The following ASTN2 variants were observed in gnomAD, a reference collection of about 807,000 sequenced individuals.
ASTN2 encodes astrotactin 2.
Under a neutral mutation model 139.8 loss-of-function variants are expected in ASTN2, and 54 were observed. That is an observed-to-expected ratio of 0.39 (90% CI 0.31 to 0.48). The LOEUF (loss-of-function observed/expected upper bound fraction) is 0.48, where lower values mean the gene tolerates loss of function less well. Among genes scored for constraint, ASTN2 ranks in the 20% least tolerant of loss-of-function variants. The pLI is 0.95. For missense variants in ASTN2, 1,565 were observed against 1,725.1 expected (o/e 0.91, Z 1.64); for synonymous variants, 756 against 719.5 (o/e 1.05, Z -0.81).
intron 19 of ASTN2, among the ~76,000 whole-genome samples, chr9:116,570,427 C>T (rs901570978): frequency 1.3e-5 from 2 of 151,792 alleles, no homozygotes; most frequent in Admixed American, 6.6e-5. Flanking sequence ...CTCACTCGGT[C>T]GCCCCGGCTC....
At chr9:116,888,908 C>G (rs1338316859) in intron 10 of ASTN2, among the ~76,000 whole-genome samples, 4 of 152,132 alleles carry the variant, frequency 2.6e-5, no homozygotes, top group Non-Finnish European at 5.9e-5. Flanking sequence ...TCCATGTGTT[C>G]TCATTGTTCA....
At chr9:116,686,430 G>A (rs1860212170) in intron 16 of ASTN2, among the ~76,000 whole-genome samples, 1 of 152,132 alleles carries the variant, frequency 6.6e-6, no homozygotes, top group Non-Finnish European at 1.5e-5. Flanking sequence ...CATAGCTAAG[G>A]GGAATTTCAA....
intron 5 of ASTN2, among the ~76,000 whole-genome samples, chr9:117,040,662 T>C (rs754187435): frequency 3.6e-4 from 55 of 152,294 alleles, no homozygotes; most frequent in Non-Finnish European, 5.9e-4. Context: ...TTTCACCATG[T>C]TGGCCAGGCT....
intron 2 of ASTN2, among the ~76,000 whole-genome samples, chr9:117,259,604 A>G (rs1214687555): frequency 2.0e-5 from 3 of 152,198 alleles, no homozygotes; most frequent in Non-Finnish European, 4.4e-5. Context: ...TTTTCTATTA[A>G]TAATAACTCT....
intron 13 of ASTN2, among the ~76,000 whole-genome samples, chr9:116,753,601 A>G (rs1428670306): frequency 2.6e-5 from 4 of 152,216 alleles, no homozygotes; most frequent in Non-Finnish European, 4.4e-5. Flanking sequence ...ACTGAAAGGA[A>G]AAGTGGAGAT....
intron 13 of ASTN2, among the ~76,000 whole-genome samples, chr9:116,751,039 C>T (rs962350981): frequency 5.3e-5 from 8 of 152,146 alleles, no homozygotes; most frequent in African/African-American, 1.7e-4. Flanking sequence ...CATGCTGAGC[C>T]TCAGGTTTGT....
chr9:116,819,862 G>A (rs975592484), intron 12 of ASTN2, among the ~76,000 whole-genome samples: 1 of 152,170 alleles, frequency 6.6e-6, no homozygotes, highest in Non-Finnish European at 1.5e-5. Flanking sequence ...AATGGCCATT[G>A]CAGTCTTTAA....
chr9:116,794,064 A>G (rs1830624002), intron 13 of ASTN2, among the ~76,000 whole-genome samples: 1 of 151,108 alleles, frequency 6.6e-6, no homozygotes, highest in Non-Finnish European at 1.5e-5. Flanking sequence ...GCTGATATGC[A>G]AAACAAAACA....
At chr9:116,556,578 T>C (rs972981569) in intron 19 of ASTN2, among the ~76,000 whole-genome samples, 4 of 152,212 alleles carry the variant, frequency 2.6e-5, no homozygotes, top group Non-Finnish European at 5.9e-5. Context: ...TTTTCTAAAA[T>C]TGTGTTGGAA....
At chr9:117,091,174 C>T (rs1183122737) in intron 5 of ASTN2, among the ~76,000 whole-genome samples, 1 of 152,144 alleles carries the variant, frequency 6.6e-6, no homozygotes, top group Admixed American at 6.5e-5. Flanking sequence ...AGGCATAAAG[C>T]GAGACAAAAC....
chr9:116,647,370 C>T (rs1857650462), intron 17 of ASTN2, among the ~76,000 whole-genome samples: 1 of 152,200 alleles, frequency 6.6e-6, no homozygotes, highest in Non-Finnish European at 1.5e-5. Context: ...CTAGCACTTC[C>T]AGCTCTACAG....
chr9:117,336,850 A>G (rs948379069), intron 1 of ASTN2, among the ~76,000 whole-genome samples: 2 of 152,174 alleles, frequency 1.3e-5, no homozygotes, highest in Non-Finnish European at 1.5e-5. Flanking sequence ...CTCTCCCAGA[A>G]CTCGAAGCTT....
chr9:117,381,250 T>C (rs1206757753), intron 1 of ASTN2, among the ~76,000 whole-genome samples: 3 of 152,142 alleles, frequency 2.0e-5, no homozygotes, highest in African/African-American at 7.2e-5. Context: ...TGACTGCTAA[T>C]GGTTGTGGGG....
chr9:117,396,813 G>A (rs201480160), intron 1 of ASTN2, among the ~76,000 whole-genome samples: 28 of 152,146 alleles, frequency 1.8e-4, no homozygotes, highest in South Asian at 2.1e-4. Flanking sequence ...TGATCTGCCC[G>A]TCTTGGTCTC....
In ASTN2 at chr9:116,699,203, T is replaced by C. The variant is rs922859943; in HGVS notation, c.2806+26568A>G. 5 of 1,614,078 alleles carry C rather than the reference T, an allele frequency of 3.1e-6. No homozygotes were observed. Among genetic ancestry groups the C allele is most frequent in the African/African-American group, 1.3e-5 (1 of 74,938 alleles). Reference sequence around the variant, plus strand: ...CATCTGGCCAGTTTGTAGTAACCGATGTGGAAGGTGGAAAGCTTTGGTGTT... The same window carrying C: ...CATCTGGCCAGTTTGTAGTAACCGACGTGGAAGGTGGAAAGCTTTGGTGTT... On this transcript the variant is annotated intron_variant, in intron 16 of 22. Coordinates refer to ENST00000313400, the MANE Select transcript of ASTN2 (RefSeq NM_001365068.1). The surrounding 1 kb of genome is among the most constrained non-coding windows in gnomAD (Gnocchi z 4.2).
chr9:116,871,496 A>T (rs1052398707), intron 10 of ASTN2, among the ~76,000 whole-genome samples: 2 of 152,176 alleles, frequency 1.3e-5, no homozygotes, highest in Non-Finnish European at 2.9e-5. Flanking sequence ...TGTGTTGGGA[A>T]ACCACTAATC....
chr9:116,873,794 T>A (rs1175920150), intron 10 of ASTN2, among the ~76,000 whole-genome samples: 5 of 152,080 alleles, frequency 3.3e-5, no homozygotes, highest in Non-Finnish European at 1.5e-5. Context: ...TCTCACGAGA[T>A]CTGGTTGTGT....
At chr9:116,782,246 T>C (rs1293381686) in intron 13 of ASTN2, among the ~76,000 whole-genome samples, 2 of 152,118 alleles carry the variant, frequency 1.3e-5, no homozygotes, top group Non-Finnish European at 2.9e-5. Context: ...GCAAGAGTTG[T>C]AGAAGAATGA....
intron 1 of ASTN2, among the ~76,000 whole-genome samples, chr9:117,413,079 C>T (rs895076981): frequency 6.6e-6 from 1 of 152,212 alleles, no homozygotes; most frequent in African/African-American, 2.4e-5. Flanking sequence ...TTACAGCCTG[C>T]GAGGGTGGGT....
Sources: gnomAD v4.1 joint callset for allele counts (sites outside exome capture counted in the v4.1 genomes callset) on GRCh38, gnomAD v4.1.1 for gene constraint, Gnocchi (gnomAD v3.1) non-coding constraint, MANE v1.5 for transcripts, NCBI Gene and HGNC (gene_info 2026-07-23, HGNC 2026-07-21) for gene names.